The following TMEM132D variants were observed in gnomAD, a reference collection of about 807,000 sequenced individuals.
The protein encoded by TMEM132D is mature OL transmembrane protein.
Under a neutral mutation model 62.3 loss-of-function variants are expected in TMEM132D, and 21 were observed. That is an observed-to-expected ratio of 0.34 (90% confidence interval 0.24 to 0.49). The LOEUF is 0.49. Among genes scored for constraint, TMEM132D ranks in the 20% least tolerant of loss-of-function variants. TMEM132D has a pLI of 0.99. For missense variants in TMEM132D, 1,346 were observed against 1,402.8 expected (o/e 0.96, Z 0.65); for synonymous variants, 621 against 575.6 (o/e 1.08, Z -1.13).
chr12:129,898,129 A>C (rs117661003), intron 1 of TMEM132D, among the ~76,000 whole-genome samples: 184 of 152,286 alleles, frequency 1.2e-3, no homozygotes, highest in South Asian at 2.5e-3. Context: ...TACAACAATT[A>C]CTCAAAACAT....
chr12:129,543,456 T>C (rs1237043383), intron 2 of TMEM132D, among the ~76,000 whole-genome samples: 1 of 152,182 alleles, frequency 6.6e-6, no homozygotes, highest in African/African-American at 2.4e-5. Context: ...TACATTCCAA[T>C]AAAACTTACT....
chr12:129,526,473 C>CG (rs1188499765), intron 3 of TMEM132D, among the ~76,000 whole-genome samples: 2 of 151,994 alleles, frequency 1.3e-5, no homozygotes, highest in Admixed American at 6.6e-5. Context: ...TTAGTAGAGA[C>CG]GGGGTTTCAC....
chr12:129,317,919 C>T lies in TMEM132D; in HGVS notation c.1299+19715G>A, dbSNP rs940287849. ...TCAAGCTCTGAATTTCTTTCTTCTA[C>T]TTGTTCAATTCTGTTGCTGAGACTT... On this transcript the variant is annotated intron_variant, in intron 4 of 8. Coordinates refer to ENST00000422113, the MANE Select transcript of TMEM132D (RefSeq NM_133448.3). Among the ~76,000 whole-genome samples the T allele has an allele frequency of 9.2e-5, 14 of 152,276 alleles. No individual in the cohort carries two copies. In the East Asian group the frequency reaches 2.5e-3, roughly 27 times the overall value.
chr12:129,681,895 C>G (rs1038009037), intron 2 of TMEM132D, among the ~76,000 whole-genome samples: 2 of 152,178 alleles, frequency 1.3e-5, no homozygotes, highest in Middle Eastern at 3.2e-3. Flanking sequence ...CTCCCTCCCC[C>G]AGTCTTTGTT....
Position 129,581,261 on chromosome 12 carries a change from C to T in TMEM132D, c.969-50056G>A, listed in dbSNP as rs561895881. Among the ~76,000 whole-genome samples, 33 of 152,306 alleles carry T rather than the reference C, an allele frequency of 2.2e-4. No individual in the cohort carries two copies. The South Asian group carries it at 6.6e-3, about 31-fold the overall frequency. On this transcript the variant is annotated intron_variant, in intron 2 of 8. Transcript: ENST00000422113. ...ACCTGAAGTCCTCACCAGAAGCAGA[C>T]GTTGGCACCATGCTTCTTGCAAAGC...
At chr12:129,700,767 T>C in intron 1 of TMEM132D, 69 bp from the exon 2 acceptor site, 1 of 1,503,382 alleles carries the variant, frequency 6.7e-7, no homozygotes, top group Admixed American at 2.2e-5. Context: ...TTCAGACATC[T>C]GCGTGCCCCC....
chr12:129,272,453 C>G (rs566944383), intron 4 of TMEM132D, among the ~76,000 whole-genome samples: 65 of 151,768 alleles, frequency 4.3e-4, no homozygotes, highest in Non-Finnish European at 8.1e-4. Context: ...GAATTAAGTT[C>G]CTAATCTGAA....
chr12:129,291,504 C>T (rs1881445924), intron 4 of TMEM132D, among the ~76,000 whole-genome samples: 1 of 152,188 alleles, frequency 6.6e-6, no homozygotes, highest in Non-Finnish European at 1.5e-5. Context: ...AGACCGAGTC[C>T]TCCATCTCTT....
chr12:129,539,091 G>C (rs549571969), intron 2 of TMEM132D, among the ~76,000 whole-genome samples: 3 of 152,306 alleles, frequency 2.0e-5, no homozygotes, highest in African/African-American at 7.2e-5. Flanking sequence ...TGACAAGGGG[G>C]CAGGTGTCTC....
rs375278959 is a variant in TMEM132D at position 129,167,093 on chromosome 12, G to A, written c.1443+42427C>T. Among the ~76,000 whole-genome samples the A allele has an allele frequency of 3.2e-4, 49 of 151,618 alleles. 1 individual carries two copies. In the South Asian group the frequency reaches 9.4e-3, roughly 29 times the overall value. ...GAGAATCACTTGAAACCAGGAGGCC[G>A]AGGTTGCAGTGAGCTGAGATCATGT... is the stretch of plus-strand genomic sequence containing the variant. On this transcript the variant is annotated intron_variant, in intron 5 of 8. Transcript: ENST00000422113.
rs910907331 is a variant in TMEM132D, at chr12:129,277,779, C to T, written c.1299+59855G>A. Among the ~76,000 whole-genome samples the T allele has an allele frequency of 3.3e-5, 5 of 152,298 alleles. No individual in the cohort carries two copies. The East Asian group carries it at 7.7e-4, about 24-fold the overall frequency. On this transcript the variant is annotated intron_variant, in intron 4 of 8. Transcript: ENST00000422113. This position sits in a 1 kb window ranked among gnomAD's most constrained non-coding sequence, Gnocchi z 4.2. ...GATTCTCCGGAAGCCTCTCCTATGTCCTCTGGTGACACTCATGATGTGAAT... is the reference window on the plus strand; with the variant it reads ...GATTCTCCGGAAGCCTCTCCTATGTTCTCTGGTGACACTCATGATGTGAAT...
chr12:129,719,675 G>A (rs1214070955), intron 1 of TMEM132D, among the ~76,000 whole-genome samples: 1 of 152,212 alleles, frequency 6.6e-6, no homozygotes, highest in Non-Finnish European at 1.5e-5. Flanking sequence ...AAATGAGTCA[G>A]TAAATTAGTT....
intron 1 of TMEM132D, among the ~76,000 whole-genome samples, chr12:129,899,320 G>GATGCATGC (rs1371263809): frequency 6.9e-6 from 1 of 145,678 alleles, no homozygotes; most frequent in Non-Finnish European, 1.5e-5. Context: ...TGGATGGATG[G>GATGCATGC]ATGGATGGAT....
intron 4 of TMEM132D, among the ~76,000 whole-genome samples, chr12:129,322,385 C>T (rs1053072524): frequency 1.3e-5 from 2 of 151,192 alleles, no homozygotes; most frequent in African/African-American, 2.4e-5. Flanking sequence ...TGCAAAATGG[C>T]CATGCCATGA....
At chr12:129,211,355 C>T (rs1879040576) in intron 4 of TMEM132D, among the ~76,000 whole-genome samples, 1 of 152,152 alleles carries the variant, frequency 6.6e-6, no homozygotes, top group Non-Finnish European at 1.5e-5. Context: ...ATTTTACTTT[C>T]ACTCATGGTT....
chr12:129,574,361 T>C (rs1181307937), intron 2 of TMEM132D, among the ~76,000 whole-genome samples: 1 of 151,894 alleles, frequency 6.6e-6, no homozygotes, highest in Non-Finnish European at 1.5e-5. Context: ...TATTGGGGGA[T>C]ATATACATGC....
At chr12:129,787,837 G>A (rs939069758) in intron 1 of TMEM132D, among the ~76,000 whole-genome samples, 12 of 152,182 alleles carry the variant, frequency 7.9e-5, no homozygotes, top group African/African-American at 1.9e-4. Context: ...CTGGGTTTGC[G>A]GAGCAATACA....
intron 1 of TMEM132D, among the ~76,000 whole-genome samples, chr12:129,748,875 C>T (rs1446675013): frequency 6.6e-6 from 1 of 152,206 alleles, no homozygotes; most frequent in Non-Finnish European, 1.5e-5. Context: ...GTTCACTGTA[C>T]TCCTCACCAA....
chr12:129,281,228 G>A (rs948007210), intron 4 of TMEM132D, among the ~76,000 whole-genome samples: 2 of 151,906 alleles, frequency 1.3e-5, no homozygotes, highest in African/African-American at 4.8e-5. Context: ...CATACCCAAC[G>A]GATGCCCCAT....
Sources: allele counts gnomAD v4.1 joint callset (sites outside exome capture counted in the v4.1 genomes callset), GRCh38; gene constraint gnomAD v4.1.1; non-coding constraint Gnocchi (gnomAD v3.1); transcripts MANE v1.5; gene names NCBI Gene and HGNC (gene_info 2026-07-23, HGNC 2026-07-21).